PLAC1: variants seen among roughly 807,000 people sequenced by gnomAD.
PLAC1 encodes placenta associated 1, also known as placenta-specific protein 1.
For synonymous variants in PLAC1, 68 were observed against 62.1 expected, an observed-to-expected ratio of 1.09 and a Z score of -0.44; for missense variants, 136 against 163.2, an observed-to-expected ratio of 0.83 and a Z score of 0.91.
chrX:134,662,744 A>T (rs1184869649), upstream of PLAC1, among the ~76,000 whole-genome samples: 1 of 111,972 alleles, frequency 8.9e-6, no homozygotes, highest in African/African-American at 3.3e-5. Flanking sequence ...AGCCTGCTCA[A>T]CATGATAAAA....
At chrX:134,698,116 A>C (rs1222258574) in intron 2 of PLAC1, among the ~76,000 whole-genome samples, 1 of 111,345 alleles carries the variant, frequency 9.0e-6, no homozygotes, top group Non-Finnish European at 1.9e-5. Context: ...CCATGATTTA[A>C]CTATCTCTCT....
At chrX:134,609,603 T>C (rs1306766304) in intron 1 of PLAC1, among the ~76,000 whole-genome samples, 2 of 112,239 alleles carry the variant, frequency 1.8e-5, no homozygotes, top group Non-Finnish European at 3.8e-5. Flanking sequence ...CAGGCCACCA[T>C]AGCAAAAATA....
intron 1 of PLAC1, among the ~76,000 whole-genome samples, chrX:134,602,463 G>A (rs1184888651): frequency 8.9e-6 from 1 of 112,369 alleles, no homozygotes; most frequent in Non-Finnish European, 1.9e-5. Flanking sequence ...TGAAAAAGAA[G>A]ACCTACTTAC....
At chrX:134,584,269 G>C (rs1295989723) in intron 2 of PLAC1, among the ~76,000 whole-genome samples, 2 of 111,905 alleles carry the variant, frequency 1.8e-5, no homozygotes, top group East Asian at 5.6e-4. Context: ...CAGAGCACTT[G>C]AATTGCTTAG....
chrX:134,748,161 C>G (rs2147850049), intron 1 of PLAC1, among the ~76,000 whole-genome samples: 1 of 110,808 alleles, frequency 9.0e-6, no homozygotes, highest in East Asian at 2.9e-4. Context: ...GAAACCCTGT[C>G]TCTACTAAAA....
rs5903883 is a variant in PLAC1, at chrX:134,725,001, C to CAA, written n.174+8432_174+8433dup. On this transcript the variant is annotated intron_variant and non_coding_transcript_variant, in intron 2 of 2. Transcript: ENST00000466797. ...TGGGCGACAGAGCGAGACCCTGTCT[C>CAA]AAAAAAAAAAAAAAATTCCCACTTT... is the stretch of plus-strand genomic sequence containing the variant. 1.5e-3 allele frequency among the ~76,000 whole-genome samples: 135 copies of CAA among 91,855 alleles called. 1 individual carries two copies. Among genetic ancestry groups the CAA allele is most frequent in the African/African-American group, 3.8e-3 (95 of 24,941 alleles). 79.8% of individuals were successfully genotyped at this position (91,855 alleles called of 115,157 possible). A position where few individuals can be genotyped will look rare whatever the true frequency, so the allele number is the denominator to read the frequency against.
intron 1 of PLAC1, among the ~76,000 whole-genome samples, chrX:134,738,032 C>T (rs1335164062): frequency 9.0e-6 from 1 of 111,667 alleles, no homozygotes; most frequent in Non-Finnish European, 1.9e-5. Flanking sequence ...TATCCTCACA[C>T]CAGTGCACTT....
chrX:134,603,663 T>G (rs1166303789), intron 1 of PLAC1, among the ~76,000 whole-genome samples: 4 of 109,420 alleles, frequency 3.7e-5, no homozygotes, highest in East Asian at 2.9e-4. Context: ...ACCATGCTCA[T>G]GTATTACTTG....
rs112243310 is a variant in PLAC1 at position 134,655,572 on chromosome X, C to A, written c.-131+2756G>T. ...ATGTCTTTCATAGCTTTGTAAAATC[C>A]AGAATCCAAAACCAAGGTTTGTGTA... On this transcript the variant is annotated intron_variant, in intron 1 of 2. Coordinates refer to ENST00000359237, the MANE Select transcript of PLAC1 (RefSeq NM_021796.4). Among the ~76,000 whole-genome samples the A allele has an allele frequency of 1.2e-3, 137 of 111,779 alleles. 1 individual carries two copies. The highest frequency in any genetic ancestry group is 4.4e-3 in the African/African-American group (136 of 30,793).
chrX:134,569,494 C>T (rs1352321021), intron 2 of PLAC1, among the ~76,000 whole-genome samples: 1 of 111,887 alleles, frequency 8.9e-6, no homozygotes, highest in African/African-American at 3.3e-5. Context: ...AGGCATGTGA[C>T]AGCACACCCT....
At chrX:134,619,324 C>A (rs1025352601) in intron 1 of PLAC1, among the ~76,000 whole-genome samples, 1 of 112,125 alleles carries the variant, frequency 8.9e-6, no homozygotes, top group African/African-American at 3.2e-5. Context: ...AGTCCAAGAG[C>A]AACAGACCCC....
intron 1 of PLAC1, among the ~76,000 whole-genome samples, chrX:134,649,274 A>G (rs1020144558): frequency 1.8e-5 from 2 of 110,008 alleles, no homozygotes; most frequent in Non-Finnish European, 3.8e-5. Context: ...CAAAAAAAAA[A>G]AAAAAAAAGA....
intron 2 of PLAC1, among the ~76,000 whole-genome samples, chrX:134,567,335 T>C (rs888317701): frequency 1.8e-5 from 2 of 112,781 alleles, no homozygotes; most frequent in Non-Finnish European, 3.7e-5. Flanking sequence ...TAAGTCATTA[T>C]GACCAATAGA....
intron 2 of PLAC1, among the ~76,000 whole-genome samples, chrX:134,671,996 A>G (rs1190259963): frequency 9.0e-6 from 1 of 111,271 alleles, no homozygotes; most frequent in Non-Finnish European, 1.9e-5. Context: ...CTATCTCCTC[A>G]CTAGAATGGA....
chrX:134,764,322 TGAGA>T (rs1439359666), upstream of PLAC1: 2 of 112,273 alleles, frequency 1.8e-5, no homozygotes, highest in African/African-American at 6.5e-5. Context: ...CTCCTAGAGG[TGAGA>T]GTGTGTGGTT....
intron 2 of PLAC1, among the ~76,000 whole-genome samples, chrX:134,691,393 C>G (rs1046612044): frequency 1.8e-5 from 2 of 110,875 alleles, no homozygotes; most frequent in African/African-American, 6.6e-5. Context: ...CCGAGCAGGG[C>G]AGGAATTCAA....
chrX:134,608,762 G>A (rs1195983407), intron 1 of PLAC1, among the ~76,000 whole-genome samples: 6 of 102,817 alleles, frequency 5.8e-5, no homozygotes, highest in Admixed American at 1.1e-4. Context: ...TGCAATCTCC[G>A]CCTCCCAGGT....
chrX:134,736,094 G>A (rs1055166425), intron 1 of PLAC1, among the ~76,000 whole-genome samples: 3 of 110,488 alleles, frequency 2.7e-5, no homozygotes, highest in Non-Finnish European at 5.7e-5. Context: ...TGGCCAACAT[G>A]GTGAAACCCT....
At chrX:134,707,386 T>C (rs976927322) in intron 2 of PLAC1, among the ~76,000 whole-genome samples, 3 of 112,507 alleles carry the variant, frequency 2.7e-5, no homozygotes, top group African/African-American at 9.7e-5. Context: ...ACATGTGCCA[T>C]GTTGGTTTGC....
Sources: allele counts gnomAD v4.1 joint callset (sites outside exome capture counted in the v4.1 genomes callset), GRCh38; gene constraint gnomAD v4.1.1; transcripts MANE v1.5; gene names NCBI Gene and HGNC (gene_info 2026-07-23, HGNC 2026-07-21).